Variants in SBF2 observed in about 807,000 individuals in gnomAD.
SBF2 encodes the protein SET binding factor 2, also known as myotubularin-related protein 13.
In SBF2, 112 loss-of-function variants were observed where a neutral mutation model predicts 225.2. The ratio of observed to expected loss-of-function variants is 0.50; its 90% CI spans 0.43 to 0.58. The LOEUF (loss-of-function observed/expected upper bound fraction) is 0.58, where lower values mean the gene tolerates loss of function less well. SBF2 is among the 20% of genes least tolerant of loss of function. The pLI is 0.00. For missense variants in SBF2, 1,996 were observed against 2,206.2 expected, an observed-to-expected ratio of 0.90 and a Z score of 1.91; for synonymous variants, 763 against 773.3, an observed-to-expected ratio of 0.99 and a Z score of 0.22.
At chr11:9,958,868 C>A (rs1590608342) in intron 16 of SBF2, 7 of 664,428 alleles carry the variant, frequency 1.1e-5, no homozygotes, top group African/African-American at 7.1e-5. Context: ...CTTCTCCTGG[C>A]CAACAGTCTG....
chr11:9,872,991 G>A (rs986526633), intron 17 of SBF2, among the ~76,000 whole-genome samples: 2 of 151,834 alleles, frequency 1.3e-5, no homozygotes, highest in Admixed American at 1.3e-4. Context: ...TAGATCATGA[G>A]GTCAGGAGAT....
chr11:9,955,053 G>T (rs1327003602), intron 16 of SBF2, among the ~76,000 whole-genome samples: 1 of 151,746 alleles, frequency 6.6e-6, no homozygotes, highest in East Asian at 1.9e-4. Context: ...TTTCTTTTAG[G>T]GCAAGTTCTT....
chr11:9,939,682 G>A (rs1423046255), intron 16 of SBF2, among the ~76,000 whole-genome samples: 1 of 152,176 alleles, frequency 6.6e-6, no homozygotes, highest in Non-Finnish European at 1.5e-5. Context: ...GAGATACTCT[G>A]AAAAACTGCT....
At chr11:10,087,216 T>C (rs1951602847) in intron 2 of SBF2, among the ~76,000 whole-genome samples, 2 of 152,166 alleles carry the variant, frequency 1.3e-5, no homozygotes, top group African/African-American at 4.8e-5. Context: ...TTTTGATGTG[T>C]ATTTTTGAAA....
At chr11:10,071,263 C>CTTTTTTTTTT (rs774979361) in intron 2 of SBF2, among the ~76,000 whole-genome samples, 1 of 124,932 alleles carries the variant, frequency 8.0e-6, no homozygotes, top group Non-Finnish European at 1.7e-5. Flanking sequence ...TTCTCTCTCT[C>CTTTTTTTTTT]TCTTTTTTTT....
chr11:10,284,192 T>C (rs1963595544), intron 1 of SBF2, among the ~76,000 whole-genome samples: 1 of 152,210 alleles, frequency 6.6e-6, no homozygotes, highest in Admixed American at 6.5e-5. Flanking sequence ...TCTTGCAAAA[T>C]TAAATTACAA....
chr11:9,832,452 T>C (rs1034176435), intron 26 of SBF2, 32 bp from the exon 27 acceptor site: 12 of 1,525,126 alleles, frequency 7.9e-6, no homozygotes, highest in African/African-American at 1.4e-5. Flanking sequence ...AAGAGAATGA[T>C]TGGGGGAAGG....
intron 2 of SBF2, among the ~76,000 whole-genome samples, chr11:10,065,591 A>T (rs926402547): frequency 1.3e-5 from 2 of 152,196 alleles, no homozygotes; most frequent in African/African-American, 4.8e-5. Context: ...ATCATAAGGG[A>T]ATATTATGAA....
chr11:9,780,561 G>A (rs765077173), intron 39 of SBF2, 45 bp from the exon 40 acceptor site: 2 of 1,528,324 alleles, frequency 1.3e-6, no homozygotes, highest in Non-Finnish European at 1.8e-6. Flanking sequence ...GGGCAGGGCT[G>A]TTTTATGGAT....
At chr11:10,186,572 C>CTGTTG (rs1354350046) in intron 2 of SBF2, among the ~76,000 whole-genome samples, 1 of 152,132 alleles carries the variant, frequency 6.6e-6, no homozygotes, top group Non-Finnish European at 1.5e-5. Flanking sequence ...TTCATCAACC[C>CTGTTG]AAAAGCTCTC....
At chr11:9,790,810 G>C (rs990682545) in intron 33 of SBF2, 127 bp from the exon 34 acceptor site, 4 of 720,050 alleles carry the variant, frequency 5.6e-6, no homozygotes, top group Non-Finnish European at 9.4e-6. Flanking sequence ...CAACATTTGT[G>C]TGAAAACCTT....
In SBF2 at chr11:9,866,049, C is replaced by T. The variant is rs528639647; in HGVS notation, c.1930-7653G>A. On this transcript the variant is annotated intron_variant, in intron 17 of 39. Coordinates refer to ENST00000256190, the MANE Select transcript of SBF2 (RefSeq NM_030962.4). ...TAGTAGGGCCTGGAAGTACTTGACA[C>T]GGGTCCCAGTAAATGTGGTAATTCT... Among the ~76,000 whole-genome samples the T allele has an allele frequency of 8.5e-5, 13 of 152,288 alleles. No homozygotes were observed. In the East Asian group the frequency reaches 1.7e-3, roughly 20 times the overall value.
intron 2 of SBF2, among the ~76,000 whole-genome samples, chr11:10,101,659 CTGTG>C (rs144213559): frequency 0.053 from 7,913 of 148,098 alleles, 421 homozygotes; most frequent in East Asian, 0.17. Flanking sequence ...CTCTCTCGCT[CTGTG>C]TGTGTGTGTG....
intron 16 of SBF2, among the ~76,000 whole-genome samples, chr11:9,926,016 A>G (rs1864012817): frequency 1.3e-5 from 2 of 152,250 alleles, no homozygotes; most frequent in Non-Finnish European, 2.9e-5. Context: ...TTTGAACTTC[A>G]AAGGGTATCA....
intron 1 of SBF2, among the ~76,000 whole-genome samples, chr11:10,286,748 C>A (rs1454286478): frequency 1.3e-5 from 2 of 151,970 alleles, no homozygotes; most frequent in Non-Finnish European, 2.9e-5. Flanking sequence ...GCAGAGCAAC[C>A]AAAAATATTT....
chr11:10,165,373 G>A (rs931988831), intron 2 of SBF2, among the ~76,000 whole-genome samples: 1 of 152,144 alleles, frequency 6.6e-6, no homozygotes, highest in Non-Finnish European at 1.5e-5. Context: ...CCTTGCCCAT[G>A]CTTTCATGCC....
intron 2 of SBF2, among the ~76,000 whole-genome samples, chr11:10,184,425 C>G (rs911188608): frequency 6.6e-6 from 1 of 152,208 alleles, no homozygotes; most frequent in African/African-American, 2.4e-5. Context: ...GTACATAAAG[C>G]TTTATTTCAT....
intron 16 of SBF2, 102 bp downstream of exon 16, chr11:9,961,855 G>T: frequency 1.9e-6 from 2 of 1,043,202 alleles, no homozygotes; most frequent in Non-Finnish European, 2.9e-6. Context: ...CCTATTAGCT[G>T]TGGTAGGCTC....
At chr11:10,289,621 T>C (rs897343356) in intron 1 of SBF2, among the ~76,000 whole-genome samples, 1 of 152,034 alleles carries the variant, frequency 6.6e-6, no homozygotes, top group African/African-American at 2.4e-5. Context: ...GGCCTGGCAA[T>C]CACCCTGATG....
Sources: allele counts gnomAD v4.1 joint callset (sites outside exome capture counted in the v4.1 genomes callset), GRCh38; gene constraint gnomAD v4.1.1; transcripts MANE v1.5; gene names NCBI Gene and HGNC (gene_info 2026-07-23, HGNC 2026-07-21).